The following ZFHX4 variants were observed in gnomAD, a reference collection of about 807,000 sequenced individuals.
ZFHX4 encodes zinc finger homeobox 4, also known as zinc finger homeobox protein 4.
In ZFHX4, 56 loss-of-function variants were observed where a neutral mutation model predicts 267.6. The ratio of observed to expected loss-of-function variants is 0.21; its 90% CI spans 0.17 to 0.26. The LOEUF (loss-of-function observed/expected upper bound fraction) is 0.26, where lower values mean the gene tolerates loss of function less well. Ranked by LOEUF, ZFHX4 falls within the 10% of genes least tolerant of loss-of-function variation. The pLI, the probability that ZFHX4 is intolerant of heterozygous loss-of-function variation, is 1.00. For synonymous variants in ZFHX4, 1,778 were observed against 1,665.6 expected (o/e 1.07, Z -1.64); for missense variants, 4,332 against 4,420.0 (o/e 0.98, Z 0.56).
In ZFHX4 at chr8:76,851,225, G is replaced by C. The variant is rs757312872; in HGVS notation, c.4304G>C (p.Arg1435Pro). Residue 1435 changes from arginine to proline, a missense_variant, in exon 10 of 11, where the codon CGT becomes CCT. This residue lies in a region of ZFHX4 where 1,371 missense variants were observed against 1,423.1 expected (regional missense o/e 0.96). Coordinates refer to ENST00000651372, the MANE Select transcript of ZFHX4 (RefSeq NM_024721.5). ...TGTAACCTCTGCCAGCGCAGTTTCC[G>C]TACATTCCAGGCTTTAAAAAAACAC... ...TMCNLCQRSF[R>P]TFQALKKHLE... The C allele has an allele frequency of 7.4e-6, 12 of 1,613,594 alleles. No individual in the cohort carries two copies. The highest frequency in any genetic ancestry group is 1.0e-5 in the Non-Finnish European group (12 of 1,179,814).
intron 3 of ZFHX4, among the ~76,000 whole-genome samples, chr8:76,770,593 G>A (rs1232842754): frequency 6.6e-6 from 1 of 152,150 alleles, no homozygotes; most frequent in Non-Finnish European, 1.5e-5. Flanking sequence ...GAAGCCTCCA[G>A]TCTGGGAGAG....
At chr8:76,693,164 T>C (rs1428921603) in intron 1 of ZFHX4, among the ~76,000 whole-genome samples, 2 of 152,176 alleles carry the variant, frequency 1.3e-5, no homozygotes, top group African/African-American at 4.8e-5. Context: ...CTTTGGTGCT[T>C]AATAAATACC....
At position 76,704,710 on chromosome 8, in the gene ZFHX4, G is replaced by A. The variant is rs778310765; in HGVS notation, c.622G>A (p.Asp208Asn). Residue 208 changes from aspartate to asparagine, a missense_variant, in exon 2 of 11, where the codon GAT becomes AAT. Asp to Asn is a conservative substitution (Grantham distance 23, BLOSUM62 1). Transcript: ENST00000651372. ...ATCCCTCGGGAAACCATTTACAGCC[G>A]ATCAGGCTTTCCCAAATACCTCAGC... ...ASSLGKPFTA[D>N]QAFPNTSALA... 9.9e-6 allele frequency: 16 copies of A among 1,613,824 alleles called. No homozygotes were observed. In the East Asian group the frequency reaches 1.1e-4, roughly 11 times the overall value.
intron 3 of ZFHX4, among the ~76,000 whole-genome samples, chr8:76,709,191 T>A (rs552144451): frequency 2.0e-5 from 3 of 152,266 alleles, no homozygotes; most frequent in East Asian, 3.9e-4. Flanking sequence ...ATACTATGTG[T>A]TTGGGTTGTT....
At chr8:76,805,075 T>C (rs1811211904) in intron 4 of ZFHX4, among the ~76,000 whole-genome samples, 1 of 152,130 alleles carries the variant, frequency 6.6e-6, no homozygotes. Flanking sequence ...ATTTCTGTTC[T>C]ACTAAGGCTG....
intron 4 of ZFHX4, among the ~76,000 whole-genome samples, chr8:76,811,683 C>T (rs1458208308): frequency 1.3e-5 from 2 of 152,164 alleles, no homozygotes; most frequent in East Asian, 3.8e-4. Flanking sequence ...GCAGGAAAGA[C>T]ACCAAAACAG....
chr8:76,780,035 C>A (rs1810507440), intron 4 of ZFHX4, among the ~76,000 whole-genome samples: 2 of 148,600 alleles, frequency 1.3e-5, no homozygotes, highest in Admixed American at 1.3e-4. Flanking sequence ...AATGATTATC[C>A]ACCAAGGATA....
At chr8:76,757,119 T>C (rs996748340) in intron 3 of ZFHX4, among the ~76,000 whole-genome samples, 3 of 152,070 alleles carry the variant, frequency 2.0e-5, no homozygotes, top group Non-Finnish European at 4.4e-5. Flanking sequence ...AAAACTTTAT[T>C]AAGTGACACT....
At chr8:76,711,111 G>C (rs2131620480) in intron 3 of ZFHX4, among the ~76,000 whole-genome samples, 1 of 151,920 alleles carries the variant, frequency 6.6e-6, no homozygotes, top group South Asian at 2.1e-4. Context: ...CTTTCCATAT[G>C]GACTCAAAAA....
intron 3 of ZFHX4, among the ~76,000 whole-genome samples, chr8:76,772,122 G>A (rs1349952748): frequency 6.6e-6 from 1 of 152,082 alleles, no homozygotes; most frequent in African/African-American, 2.4e-5. Flanking sequence ...CGGCCATATT[G>A]TGGAGATTTA....
intron 4 of ZFHX4, among the ~76,000 whole-genome samples, chr8:76,815,197 AG>A (rs1181230602): frequency 2.0e-5 from 3 of 152,196 alleles, no homozygotes; most frequent in South Asian, 2.1e-4. Context: ...AAAAGTATTA[AG>A]GGTTATGCAA....
At chr8:76,734,402 T>G (rs1809104194) in intron 3 of ZFHX4, among the ~76,000 whole-genome samples, 1 of 152,220 alleles carries the variant, frequency 6.6e-6, no homozygotes. Context: ...CAGGCATTCT[T>G]TATTCTAATA....
chr8:76,797,882 C>CTATATGTG (rs752887213), intron 4 of ZFHX4, among the ~76,000 whole-genome samples: 1,974 of 135,602 alleles, frequency 0.015, 18 homozygotes, highest in Middle Eastern at 0.022. Context: ...GGGTGTGTGT[C>CTATATGTG]TGTATGTGTG....
chr8:76,740,114 C>A (rs1395813153), intron 3 of ZFHX4, among the ~76,000 whole-genome samples: 1 of 152,018 alleles, frequency 6.6e-6, no homozygotes, highest in African/African-American at 2.4e-5. Flanking sequence ...ATAATATGAA[C>A]TTTATTTTGT....
intron 4 of ZFHX4, among the ~76,000 whole-genome samples, chr8:76,811,446 G>A (rs553228468): frequency 6.6e-6 from 1 of 152,226 alleles, no homozygotes; most frequent in Non-Finnish European, 1.5e-5. Flanking sequence ...ACTTATGACT[G>A]TGATTTCATT....
At chr8:76,774,545 A>C (rs962654223) in intron 3 of ZFHX4, among the ~76,000 whole-genome samples, 4 of 152,144 alleles carry the variant, frequency 2.6e-5, no homozygotes, top group Non-Finnish European at 2.9e-5. Context: ...TTTTCCATGA[A>C]ATGGAAAAAT....
At chr8:76,750,755 A>G (rs1274146939) in intron 3 of ZFHX4, among the ~76,000 whole-genome samples, 3 of 152,152 alleles carry the variant, frequency 2.0e-5, no homozygotes, top group African/African-American at 7.2e-5. Flanking sequence ...AGTGAAAAAA[A>G]TCAGTGGCAG....
chr8:76,730,725 A>G (rs78322444), intron 3 of ZFHX4, among the ~76,000 whole-genome samples: 2 of 151,906 alleles, frequency 1.3e-5, no homozygotes, highest in Non-Finnish European at 2.9e-5. Context: ...AATAAATAAA[A>G]CTATTTTAAA....
chr8:76,689,644 T>A (rs140157592), intron 1 of ZFHX4, among the ~76,000 whole-genome samples: 1 of 152,226 alleles, frequency 6.6e-6, no homozygotes, highest in South Asian at 2.1e-4. Flanking sequence ...GACTTGATGT[T>A]CTGTTAATTC....
Sources: gnomAD v4.1 joint callset for allele counts (sites outside exome capture counted in the v4.1 genomes callset) on GRCh38, gnomAD v4.1.1 for gene constraint, gnomAD v4.1.1 regional missense constraint, MANE v1.5 for transcripts, NCBI Gene and HGNC (gene_info 2026-07-23, HGNC 2026-07-21) for gene names.